AGBL4: variants seen among roughly 807,000 people sequenced by gnomAD.
AGBL4 encodes the protein cytosolic carboxypeptidase 6.
AGBL4 carries 58 observed loss-of-function variants against 66.4 expected under a neutral mutation model. The observed-to-expected ratio is 0.87, with a 90% confidence interval of 0.71 to 1.09. The LOEUF (loss-of-function observed/expected upper bound fraction) is 1.09, where lower values mean the gene tolerates loss of function less well. AGBL4 is among the 50% of genes least tolerant of loss of function. The probability of loss-of-function intolerance (pLI) is 0.00; values close to 1 mark genes in which losing one functional copy is unlikely to be tolerated. For synonymous variants in AGBL4, 234 were observed against 222.9 expected (o/e 1.05, Z -0.44); for missense variants, 579 against 631.0 (o/e 0.92, Z 0.88).
intron 2 of AGBL4, among the ~76,000 whole-genome samples, chr1:49,786,658 A>T (rs1644462206): frequency 6.6e-6 from 1 of 152,178 alleles, no homozygotes. Context: ...ACCTAAGATG[A>T]TAAATTTTAG....
In AGBL4 at chr1:48,534,106, T is replaced by C. The variant is rs1442610005; in HGVS notation, c.*67A>G. ...ATCCTTGGAAGCTAGAGAAGAGTGA[T>C]TAATTTCATTCCCCAGCAGAAAATG... On this transcript the variant is annotated 3_prime_UTR_variant, in exon 14 of 14. Coordinates refer to ENST00000371839, the MANE Select transcript of AGBL4 (RefSeq NM_032785.4). 6.5e-7 allele frequency: 1 copy of C among 1,549,140 alleles called. No homozygotes were observed. The highest frequency in any genetic ancestry group is 8.7e-7 in the Non-Finnish European group (1 of 1,144,906).
chr1:48,696,737 T>C (rs1309903239), intron 6 of AGBL4, among the ~76,000 whole-genome samples: 1 of 152,070 alleles, frequency 6.6e-6, no homozygotes, highest in Non-Finnish European at 1.5e-5. Flanking sequence ...AGTGAGAAAG[T>C]GAGAGAGTTG....
In AGBL4 at chr1:49,382,014, A is replaced by T. The variant is rs549796755; in HGVS notation, c.283-136150T>A. On this transcript the variant is annotated intron_variant, in intron 3 of 13. Transcript: ENST00000371839. Reference sequence around the variant, plus strand: ...AGTATAATAATAATAAAATAAAAATAAAAAAAAATACAGTTCCTGTAGCCA... The same window carrying T: ...AGTATAATAATAATAAAATAAAAATTAAAAAAAATACAGTTCCTGTAGCCA... Among the ~76,000 whole-genome samples the T allele has an allele frequency of 2.6e-4, 39 of 149,978 alleles. 1 individual carries two copies. The highest frequency in any genetic ancestry group is 6.5e-4 in the African/African-American group (26 of 40,214).
chr1:49,252,932 T>C (rs1013514474), intron 3 of AGBL4, among the ~76,000 whole-genome samples: 4 of 152,068 alleles, frequency 2.6e-5, no homozygotes, highest in South Asian at 2.1e-4. Context: ...AAGAAAAAAC[T>C]ATGACTAGCC....
intron 2 of AGBL4, among the ~76,000 whole-genome samples, chr1:49,741,560 A>G (rs1028407544): frequency 2.6e-5 from 4 of 152,202 alleles, no homozygotes; most frequent in African/African-American, 9.6e-5. Context: ...TGAGGCCAGC[A>G]TCATCCTGAT....
chr1:49,132,190 G>A lies in AGBL4; in HGVS notation c.378-86390C>T, dbSNP rs539156246. On this transcript the variant is annotated intron_variant, in intron 4 of 13. Transcript: ENST00000371839. ...AAATTTAGGACAGTGTGGTTAACACGATCAAATTCCTGAAAAATCAGGAAT... is the reference window on the plus strand; with the variant it reads ...AAATTTAGGACAGTGTGGTTAACACAATCAAATTCCTGAAAAATCAGGAAT... Among the ~76,000 whole-genome samples, 7 of 152,088 alleles carry A rather than the reference G, an allele frequency of 4.6e-5. No individual in the cohort carries two copies. The East Asian group carries it at 5.8e-4, about 13-fold the overall frequency.
chr1:48,867,437 G>A (rs1019806191), intron 5 of AGBL4, among the ~76,000 whole-genome samples: 3 of 151,270 alleles, frequency 2.0e-5, no homozygotes, highest in Non-Finnish European at 2.9e-5. Context: ...GTCTTTGGAA[G>A]CGTAGGTGGT....
At chr1:49,067,059 A>C (rs1377395903) in intron 4 of AGBL4, among the ~76,000 whole-genome samples, 2 of 152,174 alleles carry the variant, frequency 1.3e-5, no homozygotes, top group Non-Finnish European at 2.9e-5. Flanking sequence ...TCTTGCAAGA[A>C]ATACAGGCAT....
chr1:49,731,183 T>TC (rs1295049191), intron 2 of AGBL4, among the ~76,000 whole-genome samples: 2 of 152,172 alleles, frequency 1.3e-5, no homozygotes, highest in Non-Finnish European at 2.9e-5. Context: ...CTATCAGGTG[T>TC]CCTTCTTTAC....
At chr1:49,682,747 C>T (rs1008861153) in intron 3 of AGBL4, among the ~76,000 whole-genome samples, 4 of 152,196 alleles carry the variant, frequency 2.6e-5, no homozygotes, top group Admixed American at 2.6e-4. Context: ...TGAAATTCTT[C>T]ATATTATTTA....
At chr1:48,560,598 C>T (rs1380632451) in intron 11 of AGBL4, among the ~76,000 whole-genome samples, 7 of 152,258 alleles carry the variant, frequency 4.6e-5, no homozygotes, top group Non-Finnish European at 1.0e-4. Flanking sequence ...TGACTTGGTA[C>T]CCAGGGATAT....
At chr1:48,743,514 G>T (rs1650259770) in intron 6 of AGBL4, among the ~76,000 whole-genome samples, 2 of 152,154 alleles carry the variant, frequency 1.3e-5, no homozygotes, top group African/African-American at 4.8e-5. Context: ...GATGAAAATG[G>T]GTAAATAAGG....
intron 2 of AGBL4, among the ~76,000 whole-genome samples, chr1:49,839,097 A>G (rs1238993834): frequency 6.6e-6 from 1 of 152,232 alleles, no homozygotes; most frequent in African/African-American, 2.4e-5. Flanking sequence ...TTCTTAGAGG[A>G]AAATTATTTG....
intron 3 of AGBL4, among the ~76,000 whole-genome samples, chr1:49,552,101 C>G (rs766207835): frequency 6.6e-6 from 1 of 152,136 alleles, no homozygotes; most frequent in African/African-American, 2.4e-5. Context: ...CCAGTAGTCA[C>G]AGGCTTCACC....
At chr1:49,295,960 G>A (rs1264050660) in intron 3 of AGBL4, among the ~76,000 whole-genome samples, 2 of 152,158 alleles carry the variant, frequency 1.3e-5, no homozygotes, top group East Asian at 3.8e-4. Flanking sequence ...ATCACCCACT[G>A]ATGACTTTCT....
chr1:48,624,355 C>T (rs924444555), intron 9 of AGBL4, among the ~76,000 whole-genome samples: 1 of 152,168 alleles, frequency 6.6e-6, no homozygotes, highest in Admixed American at 6.5e-5. Flanking sequence ...AAGGGAGCTA[C>T]CAAGATTTCC....
Position 48,736,403 on chromosome 1 carries a change from A to G in AGBL4, c.635-73162T>C. ...CTTGGAATCTCCTTGGGTTACTTGT[A>G]GCTGGTGCCATTTCTCCTCATCAAC... On this transcript the variant is annotated intron_variant, in intron 6 of 13. Coordinates refer to ENST00000371839, the MANE Select transcript of AGBL4 (RefSeq NM_032785.4). This position sits in a 1 kb window ranked among gnomAD's most constrained non-coding sequence, Gnocchi z 4.0. The G allele has an allele frequency of 1.2e-6, 2 of 1,614,112 alleles. No individual in the cohort carries two copies. The highest frequency in any genetic ancestry group is 1.7e-6 in the Non-Finnish European group (2 of 1,180,024).
intron 2 of AGBL4, among the ~76,000 whole-genome samples, chr1:49,836,657 T>C (rs1557496993): frequency 6.6e-6 from 1 of 152,178 alleles, no homozygotes; most frequent in South Asian, 2.1e-4. Flanking sequence ...AGAAGAGGTG[T>C]TCTGGTTTTT....
intron 1 of AGBL4, among the ~76,000 whole-genome samples, chr1:49,884,477 T>A (rs1218116465): frequency 6.6e-6 from 1 of 151,838 alleles, no homozygotes; most frequent in Non-Finnish European, 1.5e-5. Context: ...AAAGAAAGAT[T>A]TGGAAAAGGA....
Sources: gnomAD v4.1 joint callset for allele counts (sites outside exome capture counted in the v4.1 genomes callset) on GRCh38, gnomAD v4.1.1 for gene constraint, Gnocchi (gnomAD v3.1) non-coding constraint, MANE v1.5 for transcripts, NCBI Gene and HGNC (gene_info 2026-07-23, HGNC 2026-07-21) for gene names.